GPC6: variants seen among roughly 807,000 people sequenced by gnomAD.
GPC6 encodes the protein glypican 6, also known as glypican-6.
GPC6 carries 14 observed loss-of-function variants against 55.2 expected under a neutral mutation model. The observed-to-expected ratio is 0.25, with a 90% CI of 0.17 to 0.40. The LOEUF (loss-of-function observed/expected upper bound fraction) is 0.40, where lower values mean the gene tolerates loss of function less well. GPC6 is among the 10% of genes least tolerant of loss of function. The probability of loss-of-function intolerance (pLI) is 1.00; values close to 1 mark genes in which losing one functional copy is unlikely to be tolerated. For synonymous variants in GPC6, 278 were observed against 259.6 expected (o/e 1.07, Z -0.68); for missense variants, 641 against 708.5 (o/e 0.90, Z 1.08).
At chr13:93,512,670 T>C (rs1171068112) in intron 1 of GPC6, among the ~76,000 whole-genome samples, 2 of 152,108 alleles carry the variant, frequency 1.3e-5, no homozygotes, top group Non-Finnish European at 2.9e-5. Context: ...GATGCTGGCC[T>C]CATTAAATGA....
At chr13:93,282,425 A>C (rs1227364835) in intron 1 of GPC6, among the ~76,000 whole-genome samples, 2 of 152,058 alleles carry the variant, frequency 1.3e-5, no homozygotes, top group African/African-American at 2.4e-5. Context: ...CCCCGCCCCC[A>C]GTATGATTTG....
intron 2 of GPC6, among the ~76,000 whole-genome samples, chr13:93,710,840 C>T (rs1005873505): frequency 2.0e-5 from 3 of 151,702 alleles, no homozygotes; most frequent in Non-Finnish European, 4.4e-5. Flanking sequence ...TGTAAACATG[C>T]TTATTGTGCA....
At chr13:93,505,005 A>C (rs895681805) in intron 1 of GPC6, among the ~76,000 whole-genome samples, 1 of 152,224 alleles carries the variant, frequency 6.6e-6, no homozygotes. Flanking sequence ...TTAACAAAAT[A>C]ATGGGCCAAT....
At chr13:93,944,914 G>A (rs1275573381) in intron 3 of GPC6, among the ~76,000 whole-genome samples, 1 of 152,128 alleles carries the variant, frequency 6.6e-6, no homozygotes, top group Admixed American at 6.5e-5. Flanking sequence ...TGTGTGTTGG[G>A]GTGGGGAGGG....
intron 1 of GPC6, among the ~76,000 whole-genome samples, chr13:93,453,780 C>T (rs546422476): frequency 8.0e-4 from 121 of 151,942 alleles, no homozygotes; most frequent in African/African-American, 2.4e-3. Flanking sequence ...CAGACCTTCG[C>T]GGTGATTGTT....
chr13:94,259,916 G>A (rs528521968), intron 4 of GPC6, among the ~76,000 whole-genome samples: 36 of 151,890 alleles, frequency 2.4e-4, no homozygotes, highest in South Asian at 1.7e-3. Flanking sequence ...ACACACACAC[G>A]CACACGATAT....
intron 1 of GPC6, among the ~76,000 whole-genome samples, chr13:93,488,527 T>A (rs1241252463): frequency 6.6e-6 from 1 of 152,192 alleles, no homozygotes; most frequent in Non-Finnish European, 1.5e-5. Context: ...TAGTTTTAGA[T>A]CCTTGAGGAG....
At chr13:94,176,173 T>G (rs1219042649) in intron 4 of GPC6, among the ~76,000 whole-genome samples, 1 of 152,158 alleles carries the variant, frequency 6.6e-6, no homozygotes, top group Admixed American at 6.6e-5. Flanking sequence ...TCTCATAATT[T>G]TTTTTCAATA....
intron 3 of GPC6, among the ~76,000 whole-genome samples, chr13:93,982,482 A>C (rs1880850713): frequency 6.6e-6 from 1 of 152,206 alleles, no homozygotes; most frequent in African/African-American, 2.4e-5. Flanking sequence ...TGTATTGAAA[A>C]GGGCAGTTTT....
intron 1 of GPC6, among the ~76,000 whole-genome samples, chr13:93,383,606 C>A (rs1001439429): frequency 5.3e-5 from 8 of 152,124 alleles, no homozygotes; most frequent in Non-Finnish European, 1.2e-4. Flanking sequence ...TTAATACTGA[C>A]CTTCTGAAGA....
At chr13:93,806,378 C>T (rs1424816822) in intron 2 of GPC6, among the ~76,000 whole-genome samples, 1 of 152,174 alleles carries the variant, frequency 6.6e-6, no homozygotes, top group Non-Finnish European at 1.5e-5. Context: ...ACTCTTGTCA[C>T]CCAGGCTGGA....
chr13:93,731,056 T>C (rs1376094994), intron 2 of GPC6, among the ~76,000 whole-genome samples: 1 of 152,104 alleles, frequency 6.6e-6, no homozygotes, highest in Non-Finnish European at 1.5e-5. Flanking sequence ...TGCTCTGTGG[T>C]CCACAGGGCT....
chr13:94,151,972 C>T (rs1325956338), intron 4 of GPC6, among the ~76,000 whole-genome samples: 4 of 151,384 alleles, frequency 2.6e-5, no homozygotes, highest in African/African-American at 9.7e-5. Flanking sequence ...TTTTATTGAC[C>T]CGCTTTTCCT....
chr13:93,431,751 C>T (rs17189012), intron 1 of GPC6, among the ~76,000 whole-genome samples: 30,608 of 151,946 alleles, frequency 0.2, 3,927 homozygotes, highest in Middle Eastern at 0.32. Flanking sequence ...AAATTTGGCA[C>T]GCAGAAAAAG....
intron 4 of GPC6, among the ~76,000 whole-genome samples, chr13:94,150,218 T>C (rs1887691025): frequency 6.6e-6 from 1 of 152,130 alleles, no homozygotes; most frequent in African/African-American, 2.4e-5. Flanking sequence ...TCATGTTTCC[T>C]TAGCATCTCT....
At chr13:93,462,057 C>T (rs1255343606) in intron 1 of GPC6, among the ~76,000 whole-genome samples, 2 of 152,148 alleles carry the variant, frequency 1.3e-5, no homozygotes, top group African/African-American at 4.8e-5. Flanking sequence ...GAAGAAAAAT[C>T]AGGATAAATG....
chr13:93,233,977 G>A (rs547774233), intron 1 of GPC6, among the ~76,000 whole-genome samples: 6 of 152,320 alleles, frequency 3.9e-5, no homozygotes, highest in South Asian at 4.1e-4. Flanking sequence ...TACACATCCA[G>A]TTGTTTCAAA....
chr13:93,412,429 G>T (rs989288146), intron 1 of GPC6, among the ~76,000 whole-genome samples: 1 of 152,198 alleles, frequency 6.6e-6, no homozygotes, highest in Admixed American at 6.5e-5. Flanking sequence ...GCCGAGGCAG[G>T]TGGATCACCT....
chr13:94,017,720 C>A (rs1882523629), intron 3 of GPC6, among the ~76,000 whole-genome samples: 2 of 151,900 alleles, frequency 1.3e-5, no homozygotes, highest in Non-Finnish European at 2.9e-5. Flanking sequence ...ACTCTGTCAC[C>A]CAGGCTGGAG....
Sources: gnomAD v4.1 joint callset for allele counts (sites outside exome capture counted in the v4.1 genomes callset) on GRCh38, gnomAD v4.1.1 for gene constraint, MANE v1.5 for transcripts, NCBI Gene and HGNC (gene_info 2026-07-23, HGNC 2026-07-21) for gene names.